SDR16C5: variants seen among roughly 807,000 people sequenced by gnomAD.
SDR16C5 encodes short chain dehydrogenase/reductase family 16C member 5.
In SDR16C5, 20 loss-of-function variants were observed where a neutral mutation model predicts 27.7. The ratio of observed to expected loss-of-function variants is 0.72; its 90% confidence interval spans 0.51 to 1.05. The LOEUF is 1.05. SDR16C5 is among the 50% of genes least tolerant of loss of function. The pLI, the probability that SDR16C5 is intolerant of heterozygous loss-of-function variation, is 0.00. For missense variants in SDR16C5, 374 were observed against 366.3 expected, an observed-to-expected ratio of 1.02 and a Z score of -0.17; for synonymous variants, 139 against 132.3, an observed-to-expected ratio of 1.05 and a Z score of -0.35.
intron 4 of SDR16C5, among the ~76,000 whole-genome samples, chr8:56,308,068 T>C (rs1814931882): frequency 6.6e-6 from 1 of 152,156 alleles, no homozygotes; most frequent in South Asian, 2.1e-4. Context: ...ATAAGGAGGA[T>C]AGACTGGTGA....
chr8:56,304,034 T>C, intron 6 of SDR16C5: 1 of 703,000 alleles, frequency 1.4e-6, no homozygotes, highest in South Asian at 1.5e-5. Context: ...CTTTGCTCTG[T>C]CCCACATAGC....
chr8:56,313,774 G>A (rs1026175111), intron 2 of SDR16C5, among the ~76,000 whole-genome samples: 1 of 152,158 alleles, frequency 6.6e-6, no homozygotes, highest in African/African-American at 2.4e-5. Flanking sequence ...TCCAAGGATG[G>A]ACTTCCTGAA....
chr8:56,305,129 C>A (rs1814849180), intron 6 of SDR16C5, among the ~76,000 whole-genome samples: 1 of 152,140 alleles, frequency 6.6e-6, no homozygotes, highest in Admixed American at 6.5e-5. Context: ...CTTTAACCAT[C>A]CTAAGAGCTC....
chr8:56,301,777 C>T (rs1039967252), intron 6 of SDR16C5, among the ~76,000 whole-genome samples: 2 of 152,174 alleles, frequency 1.3e-5, no homozygotes, highest in African/African-American at 2.4e-5. Flanking sequence ...CTTGACAGGT[C>T]TTCTGGCTTA....
At chr8:56,310,899 C>G (rs1028217119) in intron 3 of SDR16C5, among the ~76,000 whole-genome samples, 1 of 152,162 alleles carries the variant, frequency 6.6e-6, no homozygotes, top group African/African-American at 2.4e-5. Flanking sequence ...AATTCTGAAT[C>G]TTTCCATTTT....
At chr8:56,318,304 G>C (rs1274917680) in intron 1 of SDR16C5, among the ~76,000 whole-genome samples, 1 of 152,220 alleles carries the variant, frequency 6.6e-6, no homozygotes, top group African/African-American at 2.4e-5. Flanking sequence ...CAAACTCTCT[G>C]TGATCTTTGC....
chr8:56,307,852 A>G (rs1814924330), intron 4 of SDR16C5, among the ~76,000 whole-genome samples: 1 of 152,190 alleles, frequency 6.6e-6, no homozygotes, highest in African/African-American at 2.4e-5. Context: ...GGGAAATACA[A>G]AAGGCTTATA....
chr8:56,302,259 G>T (rs552270567), intron 6 of SDR16C5, among the ~76,000 whole-genome samples: 99 of 152,252 alleles, frequency 6.5e-4, no homozygotes, highest in Admixed American at 4.6e-3. Flanking sequence ...CATGCTCCTT[G>T]TTCCCCTGTT....
chr8:56,302,672 C>CAA lies in SDR16C5; in HGVS notation c.837-1101_837-1100dup, dbSNP rs36094743. On this transcript the variant is annotated intron_variant, in intron 6 of 6. Coordinates refer to ENST00000303749, the MANE Select transcript of SDR16C5 (RefSeq NM_138969.4). ...TAGGCAACAGAGCAAGAGTCCATCT[C>CAA]AAAAAAAAAAAAAAAAATTAAATCT... is the stretch of plus-strand genomic sequence containing the variant. Among the ~76,000 whole-genome samples the CAA allele has an allele frequency of 5.2e-4, 57 of 109,250 alleles. 1 individual carries two copies. The highest frequency in any genetic ancestry group is 1.4e-3 in the East Asian group (5 of 3,630). 71.7% of individuals were successfully genotyped at this position (109,250 alleles called of 152,430 possible). A position where few individuals can be genotyped will look rare whatever the true frequency, so the allele number is the denominator to read the frequency against.
chr8:56,314,800 C>A (rs1459900684), intron 2 of SDR16C5, among the ~76,000 whole-genome samples: 9 of 152,176 alleles, frequency 5.9e-5, no homozygotes, highest in Non-Finnish European at 1.3e-4. Flanking sequence ...CCTGATTGAG[C>A]CTAGAAGCTA....
At chr8:56,305,542 T>G in intron 6 of SDR16C5, 55 bp downstream of exon 6, 1 of 1,466,170 alleles carries the variant, frequency 6.8e-7, no homozygotes, top group Non-Finnish European at 9.1e-7. Flanking sequence ...TGGTGGGATT[T>G]GGAGTAAACT....
At chr8:56,304,064 C>T in intron 6 of SDR16C5, 1 of 702,876 alleles carries the variant, frequency 1.4e-6, no homozygotes, top group South Asian at 1.5e-5. Flanking sequence ...GCATTCTGAC[C>T]CATCCTGTGC....
At chr8:56,304,129 C>T (rs1428686003) in intron 6 of SDR16C5, 1 of 698,490 alleles carries the variant, frequency 1.4e-6, no homozygotes. Context: ...GTTCATTGCA[C>T]AAAGTAGATA....
intron 4 of SDR16C5, among the ~76,000 whole-genome samples, chr8:56,308,707 CA>C (rs148507987): frequency 0.02 from 3,042 of 152,244 alleles, 54 homozygotes; most frequent in Non-Finnish European, 0.03. Context: ...CAGGGTACTG[CA>C]TAAGACCTAA....
At chr8:56,312,001 G>T (rs1378983458) in intron 3 of SDR16C5, among the ~76,000 whole-genome samples, 156 bp downstream of exon 3, 1 of 152,180 alleles carries the variant, frequency 6.6e-6, no homozygotes, top group East Asian at 1.9e-4. Context: ...AGATTAAGTG[G>T]CATCAGAAAA....
In SDR16C5 at chr8:56,300,394, C is replaced by T. The variant is rs984588593; in HGVS notation, c.*1086G>A. 2.6e-5 allele frequency: 4 copies of T among 152,136 alleles called. No individual in the cohort carries two copies. The highest frequency in any genetic ancestry group is 4.4e-5 in the Non-Finnish European group (3 of 68,038). The allele number at this position is 152,136 out of a possible 1,614,324, so 9.4% of individuals were successfully genotyped here. On this transcript the variant is annotated 3_prime_UTR_variant, in exon 7 of 7. Transcript: ENST00000303749. ...TACCGCTCATCCCCTCCTTGCTCCC[C>T]ACAAGAGGGAAGAGACAAAGGCTGC...
At chr8:56,307,621 C>T (rs559906219) in intron 4 of SDR16C5, among the ~76,000 whole-genome samples, 1 of 152,288 alleles carries the variant, frequency 6.6e-6, no homozygotes, top group Non-Finnish European at 1.5e-5. Context: ...GTTGTCCAGC[C>T]CTAGTGCTGT....
intron 6 of SDR16C5, chr8:56,304,005 G>T: frequency 2.8e-6 from 2 of 702,950 alleles, no homozygotes; most frequent in Non-Finnish European, 5.2e-6. Context: ...CCTGAATTTC[G>T]AATTGCTTGT....
chr8:56,301,326 C>A lies in SDR16C5; in HGVS notation c.*154G>T. 3 of 568,830 alleles carry A rather than the reference C, an allele frequency of 5.3e-6. No homozygotes were observed. The highest frequency in any genetic ancestry group is 6.3e-6 in the Non-Finnish European group (2 of 315,658). 35.2% of individuals were successfully genotyped at this position (568,830 alleles called of 1,614,324 possible). On this transcript the variant is annotated 3_prime_UTR_variant, in exon 7 of 7. Coordinates refer to ENST00000303749, the MANE Select transcript of SDR16C5 (RefSeq NM_138969.4). ...AGGTGATAGCAACATTATTTTCAAA[C>A]ACATTGATTGAAAATTCTAGTCCAG...
Sources: gnomAD v4.1 joint callset for allele counts (sites outside exome capture counted in the v4.1 genomes callset) on GRCh38, gnomAD v4.1.1 for gene constraint, MANE v1.5 for transcripts, NCBI Gene and HGNC (gene_info 2026-07-23, HGNC 2026-07-21) for gene names.